AUTS2: variants seen among roughly 807,000 people sequenced by gnomAD.
The protein encoded by AUTS2 is autism susceptibility gene 2 protein.
Under a neutral mutation model 112.4 loss-of-function variants are expected in AUTS2, and 17 were observed. The ratio of observed to expected loss-of-function variants is 0.15; its 90% confidence interval spans 0.10 to 0.23. The LOEUF is 0.23. Among genes scored for constraint, AUTS2 ranks in the 10% least tolerant of loss-of-function variants. The probability of loss-of-function intolerance (pLI) is 1.00; values close to 1 mark genes in which losing one functional copy is unlikely to be tolerated. For synonymous variants in AUTS2, 751 were observed against 702.7 expected, an observed-to-expected ratio of 1.07 and a Z score of -1.09; for missense variants, 1,510 against 1,701.6, an observed-to-expected ratio of 0.89 and a Z score of 1.98.
chr7:69,673,865 G>A (rs1259895175), intron 1 of AUTS2, among the ~76,000 whole-genome samples: 1 of 152,154 alleles, frequency 6.6e-6, no homozygotes, highest in Non-Finnish European at 1.5e-5. Flanking sequence ...ATCTGTTATT[G>A]AAACCCAGAA....
In AUTS2 at chr7:70,479,771, G is replaced by A. The variant is rs374536638; in HGVS notation, c.690+43990G>A. 7.9e-5 allele frequency among the ~76,000 whole-genome samples: 12 copies of A among 152,286 alleles called. No homozygotes were observed. In the East Asian group the frequency reaches 2.1e-3, roughly 27 times the overall value. On this transcript the variant is annotated intron_variant, in intron 5 of 18. Transcript: ENST00000342771. ...AGCCTAATCTATAAAACAAAGATGG[G>A]GGTTTGAGTCCCCGGGGTTTCCCCT...
intron 10 of AUTS2, among the ~76,000 whole-genome samples, chr7:70,769,712 G>A (rs1790214040): frequency 6.6e-6 from 1 of 152,042 alleles, no homozygotes; most frequent in African/African-American, 2.4e-5. Flanking sequence ...AATATAGAAA[G>A]TTGAGCACCC....
chr7:70,317,002 G>GA (rs1363866740), intron 4 of AUTS2: 1 of 152,208 alleles, frequency 6.6e-6, no homozygotes, highest in East Asian at 1.9e-4. Flanking sequence ...TCTGGGAGAA[G>GA]AGGCCGGCGG....
At chr7:70,439,223 A>G (rs1462550597) in intron 5 of AUTS2, among the ~76,000 whole-genome samples, 2 of 152,162 alleles carry the variant, frequency 1.3e-5, no homozygotes, top group African/African-American at 4.8e-5. Flanking sequence ...TTAATGTCAG[A>G]TAACCACAAG....
intron 1 of AUTS2, among the ~76,000 whole-genome samples, chr7:69,612,368 A>G (rs1225627263): frequency 2.0e-5 from 3 of 151,932 alleles, no homozygotes; most frequent in Non-Finnish European, 1.5e-5. Flanking sequence ...GGTCTGTTTT[A>G]TGCTTTGTAA....
intron 1 of AUTS2, among the ~76,000 whole-genome samples, chr7:69,783,838 C>T (rs1789249187): frequency 6.6e-6 from 1 of 152,122 alleles, no homozygotes; most frequent in South Asian, 2.1e-4. Context: ...TATCATCATT[C>T]AGCAGGGAAT....
chr7:70,069,372 A>G (rs1802647587), intron 2 of AUTS2, among the ~76,000 whole-genome samples: 1 of 152,234 alleles, frequency 6.6e-6, no homozygotes, highest in South Asian at 2.1e-4. Context: ...TCATTTATTG[A>G]GCACTTGATT....
chr7:69,693,249 C>T (rs369045318), intron 1 of AUTS2, among the ~76,000 whole-genome samples: 5 of 152,218 alleles, frequency 3.3e-5, no homozygotes, highest in East Asian at 1.9e-4. Context: ...CATCTGTCAG[C>T]GCCTGGTGTA....
intron 2 of AUTS2, among the ~76,000 whole-genome samples, chr7:69,912,129 G>C (rs560767588): frequency 1.5e-4 from 23 of 152,306 alleles, no homozygotes; most frequent in Admixed American, 1.1e-3. Context: ...TGCCACCCGA[G>C]TGCATGCATG....
intron 6 of AUTS2, among the ~76,000 whole-genome samples, chr7:70,752,788 C>G (rs1188950795): frequency 2.6e-5 from 4 of 152,140 alleles, no homozygotes; most frequent in East Asian, 1.9e-4. Context: ...CAACCTATTT[C>G]TCTCATTCTA....
intron 6 of AUTS2, among the ~76,000 whole-genome samples, chr7:70,750,644 C>T (rs1216257541): frequency 1.3e-5 from 2 of 152,194 alleles, no homozygotes; most frequent in African/African-American, 4.8e-5. Flanking sequence ...TCAAGTGATC[C>T]GCCCACTTTG....
intron 1 of AUTS2, among the ~76,000 whole-genome samples, chr7:69,753,487 A>T (rs1787826019): frequency 1.3e-5 from 2 of 152,018 alleles, no homozygotes; most frequent in South Asian, 4.1e-4. Flanking sequence ...AGAATATGAG[A>T]ATTGGTAGAT....
At chr7:70,203,324 C>T (rs1443064502) in intron 4 of AUTS2, among the ~76,000 whole-genome samples, 4 of 97,232 alleles carry the variant, frequency 4.1e-5, no homozygotes, top group East Asian at 3.2e-4. Flanking sequence ...TGCACATGTA[C>T]CCTAAAACTT....
At chr7:69,683,051 G>A (rs190033908) in intron 1 of AUTS2, among the ~76,000 whole-genome samples, 16 of 152,358 alleles carry the variant, frequency 1.1e-4, no homozygotes, top group African/African-American at 3.6e-4. Flanking sequence ...AGAGGGAAGA[G>A]GGCTCAGAAC....
Position 70,117,127 on chromosome 7 carries a change from GTTTTTTTTTGT to G in AUTS2, c.523-995_523-985del, listed in dbSNP as rs1562710435. Among the ~76,000 whole-genome samples the G allele has an allele frequency of 4.0e-4, 25 of 62,778 alleles. 2 individuals carry two copies. The highest frequency in any genetic ancestry group is 1.5e-3 in the African/African-American group (21 of 14,238). The allele number at this position is 62,778 out of a possible 152,430, so 41.2% of individuals were successfully genotyped here. On this transcript the variant is annotated intron_variant, in intron 2 of 18. Coordinates refer to ENST00000342771, the MANE Select transcript of AUTS2 (RefSeq NM_015570.4). ...TTGTTTTTTTTTTTTGTTTTTTTTT[GTTTTTTTTTGT>G]TTTTTTTTTTGGTGTAGTACCATAT...
At chr7:70,197,504 G>T in intron 4 of AUTS2, among the ~76,000 whole-genome samples, 1 of 134,450 alleles carries the variant, frequency 7.4e-6, no homozygotes, top group Non-Finnish European at 1.6e-5. Context: ...GCGAGCCGAA[G>T]CAGGGCGAGG....
At chr7:70,036,705 G>A (rs1177034021) in intron 2 of AUTS2, among the ~76,000 whole-genome samples, 1 of 152,176 alleles carries the variant, frequency 6.6e-6, no homozygotes, top group Admixed American at 6.5e-5. Flanking sequence ...TGGCTCTGGA[G>A]GGCTAGGAAT....
chr7:70,351,632 C>T (rs1030718956), intron 4 of AUTS2, among the ~76,000 whole-genome samples: 8 of 152,174 alleles, frequency 5.3e-5, no homozygotes, highest in Admixed American at 3.3e-4. Flanking sequence ...TTACATTCCT[C>T]CTAACAGTAT....
intron 4 of AUTS2, among the ~76,000 whole-genome samples, chr7:70,414,678 T>C (rs1794917996): frequency 6.6e-6 from 1 of 151,876 alleles, no homozygotes; most frequent in East Asian, 1.9e-4. Context: ...AAGGGGGTGG[T>C]AAAATATGTT....
Sources: gnomAD v4.1 joint callset for allele counts (sites outside exome capture counted in the v4.1 genomes callset) on GRCh38, gnomAD v4.1.1 for gene constraint, MANE v1.5 for transcripts, NCBI Gene and HGNC (gene_info 2026-07-23, HGNC 2026-07-21) for gene names.